Variants in FNTB observed in about 807,000 individuals in gnomAD.
FNTB encodes farnesyltransferase, CAAX box, subunit beta.
In FNTB, 27 loss-of-function variants were observed where a neutral mutation model predicts 59.4. The ratio of observed to expected loss-of-function variants is 0.45; its 90% confidence interval spans 0.34 to 0.63. The LOEUF (loss-of-function observed/expected upper bound fraction) is 0.63. Among genes scored for constraint, FNTB ranks in the 20% least tolerant of loss-of-function variants. The pLI is 0.02. For synonymous variants in FNTB, 230 were observed against 220.7 expected (o/e 1.04, Z -0.37); for missense variants, 449 against 559.6 (o/e 0.80, Z 1.99).
intron 8 of FNTB, among the ~76,000 whole-genome samples, chr14:65,041,191 C>T (rs1566566346): frequency 6.6e-6 from 1 of 152,186 alleles, no homozygotes; most frequent in Non-Finnish European, 1.5e-5. Context: ...CCTTATACTT[C>T]AGTTTCGTAG....
At chr14:65,002,599 C>T (rs773392320) in intron 1 of FNTB, among the ~76,000 whole-genome samples, 6 of 151,344 alleles carry the variant, frequency 4.0e-5, no homozygotes, top group South Asian at 2.1e-4. Context: ...ACAGAGACTC[C>T]GTCTCAAAAA....
intron 4 of FNTB, among the ~76,000 whole-genome samples, chr14:65,025,031 G>C (rs2061954610): frequency 6.6e-6 from 1 of 152,138 alleles, no homozygotes; most frequent in Non-Finnish European, 1.5e-5. Context: ...TAGTCAACTT[G>C]CCAATTCCTT....
chr14:65,019,981 A>G (rs72728245), intron 4 of FNTB, among the ~76,000 whole-genome samples: 13,657 of 152,264 alleles, frequency 0.09, 857 homozygotes, highest in Admixed American at 0.16. Context: ...TTCTTCATAC[A>G]AATATATTAA....
intron 4 of FNTB, among the ~76,000 whole-genome samples, chr14:65,025,265 G>C (rs758878117): frequency 6.6e-6 from 1 of 152,140 alleles, no homozygotes; most frequent in South Asian, 2.1e-4. Context: ...CGTTCGGCAC[G>C]ATTCTATCTT....
In FNTB at chr14:65,053,246, G is replaced by C. The variant is rs756082925; in HGVS notation, c.964G>C (p.Ala322Pro). ...HRALHAQGDP[A>P]LSMSHWMFHQ... is the part of the protein sequence containing the mutation. ...CCTTTGCCCTTCAACAGGTGACCCTGCCCTTAGCATGAGCCACTGGATGTT... is the reference window on the plus strand; with the variant it reads ...CCTTTGCCCTTCAACAGGTGACCCTCCCCTTAGCATGAGCCACTGGATGTT... Residue 322 changes from alanine (A) to proline (P), a missense_variant, in exon 10 of 12, where the codon GCC becomes CCC. Physicochemically the swap from Ala to Pro is conservative, Grantham distance 27. This residue lies in a region of FNTB where 337 missense variants were observed against 479.1 expected (regional missense o/e 0.70). Coordinates refer to ENST00000246166, the MANE Select transcript of FNTB (RefSeq NM_002028.4). 7.1e-7 allele frequency: 1 copy of C among 1,405,558 alleles called. No individual in the cohort carries two copies. The highest frequency in any genetic ancestry group is 9.4e-7 in the Non-Finnish European group (1 of 1,068,802). The allele number at this position is 1,405,558 out of a possible 1,614,324, so 87.1% of individuals were successfully genotyped here.
intron 9 of FNTB, among the ~76,000 whole-genome samples, chr14:65,050,428 T>C (rs915041496): frequency 1.3e-5 from 2 of 152,122 alleles, no homozygotes; most frequent in African/African-American, 4.8e-5. Flanking sequence ...CTGTCTCTAC[T>C]AAAAATGCAA....
intron 11 of FNTB, among the ~76,000 whole-genome samples, chr14:65,059,321 C>A (rs1321842254): frequency 6.6e-6 from 1 of 152,056 alleles, no homozygotes; most frequent in East Asian, 1.9e-4. Context: ...TACCTGGCCC[C>A]CGCACTAGCC....
intron 1 of FNTB, among the ~76,000 whole-genome samples, chr14:64,989,212 G>A (rs866558741): frequency 3.3e-5 from 5 of 151,170 alleles, no homozygotes; most frequent in South Asian, 2.1e-4. Flanking sequence ...AGTTCGAGGC[G>A]GGAAGATCAC....
rs1350110968 is a variant in FNTB at position 65,032,137 on chromosome 14, T to C, written c.606-473T>C. 6.6e-6 allele frequency among the ~76,000 whole-genome samples: 1 copy of C among 152,098 alleles called. No individual in the cohort carries two copies. Among genetic ancestry groups the C allele is most frequent in the Non-Finnish European group, 1.5e-5 (1 of 68,022 alleles). ...ATCTATTACAATTTGGTGGCCTGTT[T>C]TGCAGTTTATCTGTTGCAGAAAAAG... On this transcript the variant is annotated intron_variant, in intron 6 of 11. Coordinates refer to ENST00000246166, the MANE Select transcript of FNTB (RefSeq NM_002028.4). This position sits in a 1 kb window ranked among gnomAD's most constrained non-coding sequence, Gnocchi z 5.0.
intron 2 of FNTB, among the ~76,000 whole-genome samples, chr14:65,004,821 C>A (rs1017056781): frequency 2.6e-5 from 4 of 152,130 alleles, no homozygotes; most frequent in African/African-American, 9.7e-5. Context: ...CACCACCACA[C>A]TCGGCTAATT....
At position 65,009,171 on chromosome 14, in the gene FNTB, A is replaced by G. The variant is rs747068770; in HGVS notation, c.210-3146A>G. 6.6e-6 allele frequency among the ~76,000 whole-genome samples: 1 copy of G among 152,182 alleles called. No individual in the cohort carries two copies. The highest frequency in any genetic ancestry group is 1.9e-4 in the East Asian group (1 of 5,204). ...AGAATGAAGGACCGGTGAGGGTATT[A>G]GTCAGCTTGGGCTGCCATAAGACGG... On this transcript the variant is annotated intron_variant, in intron 2 of 11. Coordinates refer to ENST00000246166, the MANE Select transcript of FNTB (RefSeq NM_002028.4). The surrounding 1 kb of genome is among the most constrained non-coding windows in gnomAD (Gnocchi z 4.2).
At position 65,012,583 on chromosome 14, in the gene FNTB, C is replaced by T. The variant is rs115170426; in HGVS notation, c.282+194C>T. On this transcript the variant is annotated intron_variant, in intron 3 of 11. Transcript: ENST00000246166. This position sits in a 1 kb window ranked among gnomAD's most constrained non-coding sequence, Gnocchi z 5.0. Reference sequence around the variant, plus strand: ...TGAAAGGGCAGAACCTAGTCTCTTCCAGAGTGAGTGGAGCACCCTAGATAG... The same window carrying T: ...TGAAAGGGCAGAACCTAGTCTCTTCTAGAGTGAGTGGAGCACCCTAGATAG... Among the ~76,000 whole-genome samples the T allele has an allele frequency of 3.6e-3, 546 of 152,338 alleles. 3 individuals are homozygous for T. Among genetic ancestry groups the T allele is most frequent in the African/African-American group, 0.013 (531 of 41,566 alleles).
chr14:65,059,995 G>A (rs1158443149), intron 11 of FNTB, among the ~76,000 whole-genome samples: 1 of 151,388 alleles, frequency 6.6e-6, no homozygotes, highest in Admixed American at 6.6e-5. Context: ...CATCATGCTC[G>A]GCTAATTTTT....
intron 4 of FNTB, among the ~76,000 whole-genome samples, chr14:65,019,714 T>G (rs1364423065): frequency 1.3e-5 from 2 of 152,210 alleles, no homozygotes; most frequent in Non-Finnish European, 2.9e-5. Context: ...CTTTTAAACA[T>G]TTCTTAGACT....
At chr14:65,015,418 T>TC in intron 3 of FNTB, 1 of 293,272 alleles carries the variant, frequency 3.4e-6, no homozygotes. Context: ...ATCTTTTTTT[T>TC]TTTTTTTTTT....
rs573411077 is a variant in FNTB at position 65,017,607 on chromosome 14, T to C, written c.374+1891T>C. On this transcript the variant is annotated intron_variant, in intron 4 of 11. Coordinates refer to ENST00000246166, the MANE Select transcript of FNTB (RefSeq NM_002028.4). ...AGAGGAGCCTTTAAAGGGCCTTTCA[T>C]TGGAAGCAATCTAAATTAAATATCA... 1.5e-4 allele frequency among the ~76,000 whole-genome samples: 23 copies of C among 152,310 alleles called. 1 individual carries two copies. Among genetic ancestry groups the C allele is most frequent in the African/African-American group, 5.1e-4 (21 of 41,570 alleles).
intron 7 of FNTB, among the ~76,000 whole-genome samples, chr14:65,036,974 A>G (rs1323431044): frequency 1.3e-5 from 2 of 152,008 alleles, no homozygotes; most frequent in African/African-American, 4.8e-5. Context: ...TTGATGATGA[A>G]TCTTGATGTG....
Position 65,044,528 on chromosome 14 carries a change from A to G in FNTB, c.955+85A>G. Reference sequence around the variant, plus strand: ...CTGGAAGCCCAGCGTGCTTTTTTAGAGGGGTTGAAATGAGCTCTGTCTATC... The same window carrying G: ...CTGGAAGCCCAGCGTGCTTTTTTAGGGGGGTTGAAATGAGCTCTGTCTATC... On this transcript the variant is annotated intron_variant, in intron 9 of 11. Transcript: ENST00000246166. This position sits in a 1 kb window ranked among gnomAD's most constrained non-coding sequence, Gnocchi z 5.5. 6.5e-7 allele frequency: 1 copy of G among 1,533,486 alleles called. No individual in the cohort carries two copies. The allele number at this position is 1,533,486 out of a possible 1,614,324, so 95.0% of individuals were successfully genotyped here.
At chr14:65,055,038 C>T (rs2062699937) in intron 11 of FNTB, among the ~76,000 whole-genome samples, 1 of 152,242 alleles carries the variant, frequency 6.6e-6, no homozygotes, top group Admixed American at 6.5e-5. Flanking sequence ...GATAGCACTG[C>T]AGCCATGCGG....
Sources: allele counts gnomAD v4.1 joint callset (sites outside exome capture counted in the v4.1 genomes callset), GRCh38; gene constraint gnomAD v4.1.1; regional missense constraint gnomAD v4.1.1; non-coding constraint Gnocchi (gnomAD v3.1); transcripts MANE v1.5; gene names NCBI Gene and HGNC (gene_info 2026-07-23, HGNC 2026-07-21).